NDRG2: variants seen among roughly 807,000 people sequenced by gnomAD.
The protein encoded by NDRG2 is NDRG family member 2, also known as protein NDRG2.
Under a neutral mutation model 58.2 loss-of-function variants are expected in NDRG2, and 34 were observed. The observed-to-expected ratio is 0.58, with a 90% CI of 0.44 to 0.78. The LOEUF (loss-of-function observed/expected upper bound fraction) is 0.78. Ranked by LOEUF, NDRG2 falls within the 30% of genes least tolerant of loss-of-function variation. The pLI is 0.00. For synonymous variants in NDRG2, 187 were observed against 175.9 expected (o/e 1.06, Z -0.50); for missense variants, 434 against 471.2 (o/e 0.92, Z 0.73).
intron 1 of NDRG2, among the ~76,000 whole-genome samples, chr14:21,060,449 G>A (rs1308253712): frequency 6.6e-6 from 1 of 152,178 alleles, no homozygotes; most frequent in Non-Finnish European, 1.5e-5. Flanking sequence ...GTTGCGGGCA[G>A]GCTCCACTTC....
intron 7 of NDRG2, 56 bp downstream of exon 7, chr14:21,020,728 A>T: frequency 6.2e-7 from 1 of 1,607,604 alleles, no homozygotes; most frequent in Non-Finnish European, 8.5e-7. Flanking sequence ...AATAAACAGT[A>T]TTCTCCTAAT....
intron 8 of NDRG2, 54 bp downstream of exon 8, chr14:21,020,442 A>T: frequency 5.7e-6 from 8 of 1,411,516 alleles, no homozygotes; most frequent in Non-Finnish European, 7.9e-6. Context: ...GCCTAACTGG[A>T]TCCATACGAG....
intron 1 of NDRG2, among the ~76,000 whole-genome samples, chr14:21,045,174 G>A (rs1184992205): frequency 6.6e-6 from 1 of 152,228 alleles, no homozygotes; most frequent in Non-Finnish European, 1.5e-5. Flanking sequence ...TTCTGCCAGA[G>A]TGATGATCAT....
At position 21,024,182 on chromosome 14, in the gene NDRG2, C is replaced by G. The variant is rs1486209456; in HGVS notation, c.-159G>C. ...CGGAAAGCCTCAGCCAAGACCCAGA[C>G]TCCCAGGGTCATCAACCTCCTCGGG... is the stretch of plus-strand genomic sequence containing the variant. On this transcript the variant is annotated 5_prime_UTR_variant, in exon 1 of 16. Coordinates refer to ENST00000556147, the MANE Select transcript of NDRG2 (RefSeq NM_001320329.2). 5.1e-6 allele frequency: 5 copies of G among 985,332 alleles called. No homozygotes were observed. The highest frequency in any genetic ancestry group is 6.1e-5 in the Admixed American group (1 of 16,270). 61.0% of individuals were successfully genotyped at this position (985,332 alleles called of 1,614,324 possible).
upstream of NDRG2, chr14:21,030,310 T>G: frequency 2.3e-6 from 1 of 432,028 alleles, no homozygotes; most frequent in East Asian, 4.2e-5. Flanking sequence ...CTAAGGTACA[T>G]AAAAGAGGTA....
At chr14:21,051,977 C>A (rs1328713188) in intron 1 of NDRG2, among the ~76,000 whole-genome samples, 2 of 152,192 alleles carry the variant, frequency 1.3e-5, no homozygotes, top group African/African-American at 4.8e-5. Context: ...TTCTCTGCTC[C>A]CCTTCTTTCA....
In NDRG2 at chr14:21,070,327, G is replaced by A. The variant is rs949968513; in HGVS notation, c.24+501C>T. ...CCAGACCCGGCGAGACACGAGCGGC[G>A]GGAGGGAGGCGGTGGCGCGCCCGGC... On this transcript the variant is annotated intron_variant, in intron 1 of 14. Transcript: ENST00000403829. This position sits in a 1 kb window ranked among gnomAD's most constrained non-coding sequence, Gnocchi z 4.7. 14 of 1,392,300 alleles carry A rather than the reference G, an allele frequency of 1.0e-5. No individual in the cohort carries two copies. The highest frequency in any genetic ancestry group is 1.5e-5 in the African/African-American group (1 of 65,700). The allele number at this position is 1,392,300 out of a possible 1,614,324, so 86.2% of individuals were successfully genotyped here.
intron 10 of NDRG2, 63 bp downstream of exon 10, chr14:21,019,576 C>A: frequency 9.1e-7 from 1 of 1,099,674 alleles, no homozygotes; most frequent in Non-Finnish European, 1.4e-6. Flanking sequence ...CTGTGCCTCC[C>A]CCATGACGCC....
chr14:21,025,518 G>A (rs1030647986), upstream of NDRG2: 76 of 985,370 alleles, frequency 7.7e-5, 1 homozygote, highest in Admixed American at 1.2e-4. The surrounding 1 kb of genome is among the most constrained non-coding windows in gnomAD (Gnocchi z 5.1). Context: ...CCCGAACACA[G>A]AGAACTAGAT....
chr14:21,021,363 C>CG, intron 6 of NDRG2: 1 of 332,574 alleles, frequency 3.0e-6, no homozygotes, highest in Non-Finnish European at 5.9e-6. Context: ...CAGGGGCCAG[C>CG]ACCTCCCTCT....
intron 1 of NDRG2, among the ~76,000 whole-genome samples, chr14:21,061,600 T>C (rs949696368): frequency 2.0e-5 from 3 of 152,146 alleles, no homozygotes; most frequent in Non-Finnish European, 2.9e-5. Flanking sequence ...AGAACGTGTT[T>C]CCAAAAAATC....
intron 1 of NDRG2, among the ~76,000 whole-genome samples, chr14:21,049,628 C>A (rs1206157389): frequency 6.6e-6 from 1 of 151,902 alleles, no homozygotes; most frequent in African/African-American, 2.4e-5. Flanking sequence ...TGCAAATGAG[C>A]AAAATAACCC....
In NDRG2 at chr14:21,070,280, C is replaced by G; in HGVS notation, c.24+548G>C. 2.7e-6 allele frequency: 3 copies of G among 1,117,500 alleles called. No homozygotes were observed. The highest frequency in any genetic ancestry group is 4.2e-5 in the South Asian group (1 of 23,544). The allele number at this position is 1,117,500 out of a possible 1,614,324, so 69.2% of individuals were successfully genotyped here. A position where few individuals can be genotyped will look rare whatever the true frequency, so the allele number is the denominator to read the frequency against. ...AAGCCGGAGCGGGCCGAGCCGCCAC[C>G]GCGGCCGGAGCTGTCCCTTAGCCAG... is the stretch of plus-strand genomic sequence containing the variant. On this transcript the variant is annotated intron_variant, in intron 1 of 14. Coordinates refer to the NDRG2 transcript ENST00000403829. The surrounding 1 kb of genome is among the most constrained non-coding windows in gnomAD (Gnocchi z 4.7).
chr14:21,030,602 A>T (rs746394184), upstream of NDRG2: 1 of 1,613,640 alleles, frequency 6.2e-7, no homozygotes, highest in South Asian at 1.1e-5. Flanking sequence ...AGGCAGAAAA[A>T]ACATTCCATC....
chr14:21,019,518 G>T, intron 10 of NDRG2, 121 bp downstream of exon 10: 1 of 681,306 alleles, frequency 1.5e-6, no homozygotes, highest in Non-Finnish European at 2.5e-6. Flanking sequence ...CACACTAAAT[G>T]CTGCATTCCT....
At chr14:21,029,441 A>T (rs1883911527), upstream of NDRG2, among the ~76,000 whole-genome samples, 1 of 152,094 alleles carries the variant, frequency 6.6e-6, no homozygotes, top group Non-Finnish European at 1.5e-5. Context: ...TCTCTACTAA[A>T]AATGCAAAAA....
chr14:21,017,557 G>A lies in NDRG2; in HGVS notation c.*39C>T. On this transcript the variant is annotated 3_prime_UTR_variant, in exon 16 of 16. Coordinates refer to ENST00000556147, the MANE Select transcript of NDRG2 (RefSeq NM_001320329.2). ...CACCTCCCAGGTTAGCTCTGGGGGA[G>A]GTGAGGGCTGGGTCCCACTCTAGGG... 1 of 1,595,882 alleles carries A rather than the reference G, an allele frequency of 6.3e-7. No homozygotes were observed. Among genetic ancestry groups the A allele is most frequent in the South Asian group, 1.1e-5 (1 of 87,790 alleles).
At chr14:21,061,733 C>T (rs1885974854) in intron 1 of NDRG2, among the ~76,000 whole-genome samples, 1 of 152,130 alleles carries the variant, frequency 6.6e-6, no homozygotes, top group African/African-American at 2.4e-5. Context: ...CAACACATAG[C>T]GTTAACATGT....
intron 1 of NDRG2, chr14:21,032,106 C>T (rs1474498415): frequency 1.2e-6 from 2 of 1,602,908 alleles, no homozygotes; most frequent in African/African-American, 1.3e-5. Context: ...CCTGCTAGCC[C>T]CCTGACCCTG....
Sources: allele counts gnomAD v4.1 joint callset (sites outside exome capture counted in the v4.1 genomes callset), GRCh38; gene constraint gnomAD v4.1.1; non-coding constraint Gnocchi (gnomAD v3.1); transcripts MANE v1.5; gene names NCBI Gene and HGNC (gene_info 2026-07-23, HGNC 2026-07-21).